The following FBXL7 variants were observed in gnomAD, a reference collection of about 807,000 sequenced individuals.
FBXL7 encodes the protein F-box/LRR-repeat protein 7.
Under a neutral mutation model 38.3 loss-of-function variants are expected in FBXL7, and 12 were observed. The ratio of observed to expected loss-of-function variants is 0.31; its 90% CI spans 0.20 to 0.51. FBXL7 has a LOEUF of 0.51. FBXL7 is among the 20% of genes least tolerant of loss of function. The pLI is 0.98. For synonymous variants in FBXL7, 297 were observed against 300.9 expected, an observed-to-expected ratio of 0.99 and a Z score of 0.13; for missense variants, 567 against 676.4, an observed-to-expected ratio of 0.84 and a Z score of 1.79.
intron 2 of FBXL7, among the ~76,000 whole-genome samples, chr5:15,838,470 A>G (rs1021934298): frequency 6.6e-6 from 1 of 152,128 alleles, no homozygotes; most frequent in Non-Finnish European, 1.5e-5. Context: ...CTAATGCCAT[A>G]ACATTGGGGG....
intron 2 of FBXL7, among the ~76,000 whole-genome samples, chr5:15,688,835 T>C (rs1421440859): frequency 6.6e-6 from 1 of 152,204 alleles, no homozygotes; most frequent in Non-Finnish European, 1.5e-5. Context: ...AGTATGTTTA[T>C]GTAGGCAGTG....
intron 2 of FBXL7, among the ~76,000 whole-genome samples, chr5:15,805,903 GCTTAT>G (rs1292477210): frequency 2.6e-5 from 4 of 152,084 alleles, no homozygotes; most frequent in Non-Finnish European, 5.9e-5. Flanking sequence ...TAGCTGAGAG[GCTTAT>G]CTTCTTTTCT....
chr5:15,888,678 G>T (rs933838312), intron 2 of FBXL7, among the ~76,000 whole-genome samples: 6 of 152,102 alleles, frequency 3.9e-5, no homozygotes, highest in African/African-American at 1.2e-4. Flanking sequence ...TGAGGTCTAA[G>T]ACCAATAACC....
At chr5:15,764,469 G>A (rs1041534446) in intron 2 of FBXL7, among the ~76,000 whole-genome samples, 2 of 152,154 alleles carry the variant, frequency 1.3e-5, no homozygotes, top group Admixed American at 6.5e-5. Context: ...AAGTAAGAAG[G>A]GAAAAGGAAA....
At chr5:15,581,481 T>A (rs1244459739) in intron 1 of FBXL7, among the ~76,000 whole-genome samples, 1 of 152,180 alleles carries the variant, frequency 6.6e-6, no homozygotes, top group Non-Finnish European at 1.5e-5. Context: ...TCCTCTGTGA[T>A]GTGTTCAGCA....
At chr5:15,641,868 T>C (rs1741376489) in intron 2 of FBXL7, among the ~76,000 whole-genome samples, 1 of 152,070 alleles carries the variant, frequency 6.6e-6, no homozygotes, top group Admixed American at 6.6e-5. Flanking sequence ...CTTGGGACTT[T>C]TCAGCCTTCA....
chr5:15,592,497 C>T (rs1739510677), intron 1 of FBXL7, among the ~76,000 whole-genome samples: 1 of 152,158 alleles, frequency 6.6e-6, no homozygotes, highest in Non-Finnish European at 1.5e-5. Context: ...TTGACGCCAT[C>T]ACAAATATTC....
intron 2 of FBXL7, among the ~76,000 whole-genome samples, chr5:15,801,656 T>TGTGTGTGC (rs869247688): frequency 4.8e-5 from 7 of 146,914 alleles, no homozygotes; most frequent in African/African-American, 1.2e-4. Context: ...TGTGTGTGTG[T>TGTGTGTGC]GCGCGCGCGC....
intron 2 of FBXL7, among the ~76,000 whole-genome samples, chr5:15,778,547 C>A (rs1408884613): frequency 6.6e-6 from 1 of 152,078 alleles, no homozygotes; most frequent in Non-Finnish European, 1.5e-5. Context: ...TAAAAGAAAT[C>A]CAGTTATTCA....
intron 2 of FBXL7, among the ~76,000 whole-genome samples, chr5:15,679,538 C>A (rs928787043): frequency 6.9e-6 from 1 of 145,144 alleles, no homozygotes. Flanking sequence ...GGACTATTAG[C>A]AGCCATAATA....
intron 2 of FBXL7, among the ~76,000 whole-genome samples, chr5:15,806,141 T>C (rs1737706326): frequency 6.6e-6 from 1 of 152,168 alleles, no homozygotes; most frequent in Non-Finnish European, 1.5e-5. Flanking sequence ...ATGGAACAAT[T>C]TAACAGAAAT....
chr5:15,773,414 C>T (rs756931378), intron 2 of FBXL7, among the ~76,000 whole-genome samples: 9 of 152,034 alleles, frequency 5.9e-5, no homozygotes, highest in Non-Finnish European at 8.8e-5. Context: ...GAGGCCGAGA[C>T]AGGAGGGTTG....
chr5:15,825,774 C>G (rs1386816262), intron 2 of FBXL7, among the ~76,000 whole-genome samples: 3 of 152,160 alleles, frequency 2.0e-5, no homozygotes, highest in Admixed American at 6.6e-5. Flanking sequence ...GAAATGCAAC[C>G]AGGTAAAAGT....
intron 2 of FBXL7, among the ~76,000 whole-genome samples, chr5:15,662,359 T>C (rs1402410523): frequency 6.6e-6 from 1 of 152,208 alleles, no homozygotes; most frequent in African/African-American, 2.4e-5. Flanking sequence ...TGTTTGTTTT[T>C]CTCCTATAAG....
chr5:15,651,198 G>A (rs981220933), intron 2 of FBXL7, among the ~76,000 whole-genome samples: 11 of 150,066 alleles, frequency 7.3e-5, no homozygotes, highest in African/African-American at 2.5e-4. Context: ...ATGGGTTCAC[G>A]CCATTCTCCT....
At chr5:15,810,510 A>G (rs57910632) in intron 2 of FBXL7, among the ~76,000 whole-genome samples, 4,708 of 151,946 alleles carry the variant, frequency 0.031, 251 homozygotes, top group African/African-American at 0.11. Flanking sequence ...ACAGTGAGCC[A>G]AGATCCTGCC....
At chr5:15,723,374 C>T (rs902777440) in intron 2 of FBXL7, among the ~76,000 whole-genome samples, 45 of 152,206 alleles carry the variant, frequency 3.0e-4, no homozygotes, top group African/African-American at 5.1e-4. Flanking sequence ...TGGCTATAGA[C>T]GTGACACACT....
At chr5:15,787,152 G>A (rs941610557) in intron 2 of FBXL7, among the ~76,000 whole-genome samples, 1 of 152,134 alleles carries the variant, frequency 6.6e-6, no homozygotes, top group Non-Finnish European at 1.5e-5. Context: ...TCCGGCCCCC[G>A]GAAACTGTGA....
intron 2 of FBXL7, among the ~76,000 whole-genome samples, chr5:15,654,976 C>T (rs1422621299): frequency 2.6e-5 from 4 of 152,158 alleles, no homozygotes; most frequent in African/African-American, 9.7e-5. Flanking sequence ...GTGACTGTGG[C>T]TCACATGAAT....
Sources: allele counts gnomAD v4.1 joint callset (sites outside exome capture counted in the v4.1 genomes callset), GRCh38; gene constraint gnomAD v4.1.1; transcripts MANE v1.5; gene names NCBI Gene and HGNC (gene_info 2026-07-23, HGNC 2026-07-21).